The following NEK5 variants were observed in gnomAD, a reference collection of about 807,000 sequenced individuals.
NEK5 encodes the protein NIMA related kinase 5.
In NEK5, 88 loss-of-function variants were observed where a neutral mutation model predicts 109.2. That is an observed-to-expected ratio of 0.81 (90% CI 0.68 to 0.96). The LOEUF (loss-of-function observed/expected upper bound fraction) is 0.96. NEK5 is among the 40% of genes least tolerant of loss of function. The pLI is 0.00. For synonymous variants in NEK5, 283 were observed against 299.9 expected, an observed-to-expected ratio of 0.94 and a Z score of 0.58; for missense variants, 834 against 920.7, an observed-to-expected ratio of 0.91 and a Z score of 1.22.
rs560588141 is a variant in NEK5, at chr13:52,062,582, G to A, written c.1976-629C>T. ...ATTACAGGTGTGTGCCATCACACCC[G>A]GCTAATTTTTCTATTTTTAGTAGAG... On this transcript the variant is annotated intron_variant, in intron 21 of 23. Transcript: ENST00000684899. 7.2e-5 allele frequency among the ~76,000 whole-genome samples: 11 copies of A among 151,916 alleles called. 1 individual carries two copies. The East Asian group carries it at 1.7e-3, about 24-fold the overall frequency.
chr13:52,084,992 G>A (rs1012160789), intron 16 of NEK5, among the ~76,000 whole-genome samples: 8 of 152,096 alleles, frequency 5.3e-5, no homozygotes, highest in African/African-American at 1.9e-4. Context: ...GACTTTGGAT[G>A]AGCTACTTAA....
chr13:52,092,860 T>C (rs139319272), intron 13 of NEK5, among the ~76,000 whole-genome samples, 194 bp downstream of exon 13: 1 of 152,302 alleles, frequency 6.6e-6, no homozygotes, highest in Non-Finnish European at 1.5e-5. Flanking sequence ...CACTCTAGCC[T>C]AGGCATCAGA....
intron 21 of NEK5, chr13:52,064,608 T>C (rs1462140566): frequency 4.4e-5 from 9 of 203,784 alleles, no homozygotes; most frequent in Middle Eastern, 2.0e-3. Flanking sequence ...GCCACCACCC[T>C]GTCTGGGAGG....
At position 52,093,045 on chromosome 13, in the gene NEK5, C is replaced by T; in HGVS notation, c.1208+9G>A. 1.3e-6 allele frequency: 2 copies of T among 1,595,102 alleles called. No individual in the cohort carries two copies. The highest frequency in any genetic ancestry group is 1.7e-6 in the Non-Finnish European group (2 of 1,164,860). On this transcript the variant is annotated intron_variant, in intron 13 of 23. Transcript: ENST00000684899. ...ATTAACCAAAGCTTAAGCTAGACCA[C>T]AATATTACCATTGACTTGGGGATGG...
At chr13:52,072,179 A>T in intron 19 of NEK5, 109 bp from the exon 20 acceptor site, 1 of 742,172 alleles carries the variant, frequency 1.3e-6, no homozygotes, top group East Asian at 2.7e-5. Flanking sequence ...TATAGTAAAT[A>T]TTCAACAAAT....
chr13:52,044,071 G>C (rs1479332362), intron 23 of NEK5, among the ~76,000 whole-genome samples: 1 of 152,200 alleles, frequency 6.6e-6, no homozygotes, highest in African/African-American at 2.4e-5. Context: ...AGCACGGCTA[G>C]AATGTAAGCA....
chr13:52,083,052 C>T (rs997681191), intron 17 of NEK5, among the ~76,000 whole-genome samples: 9 of 152,026 alleles, frequency 5.9e-5, no homozygotes, highest in African/African-American at 2.2e-4. Flanking sequence ...GAGCCTGAAG[C>T]AGGAAATCAC....
intron 16 of NEK5, among the ~76,000 whole-genome samples, chr13:52,083,690 C>T (rs1242925556): frequency 6.6e-6 from 1 of 152,132 alleles, no homozygotes; most frequent in African/African-American, 2.4e-5. Flanking sequence ...GCACGCACCA[C>T]CACGCCTGGC....
At chr13:52,061,227 G>A (rs756391895) in intron 22 of NEK5, among the ~76,000 whole-genome samples, 2 of 151,654 alleles carry the variant, frequency 1.3e-5, no homozygotes, top group South Asian at 4.2e-4. Context: ...GTTCACAATA[G>A]GGTTCATGCT....
At chr13:52,115,557 T>C (rs188834008) in intron 4 of NEK5, among the ~76,000 whole-genome samples, 3 of 139,354 alleles carry the variant, frequency 2.2e-5, no homozygotes, top group Admixed American at 7.8e-5. Context: ...TGAGCCAAGA[T>C]TGTGCCACTG....
At position 52,066,665 on chromosome 13, in the gene NEK5, G is replaced by A. The variant is rs554918656; in HGVS notation, c.1850-1056C>T. Among the ~76,000 whole-genome samples the A allele has an allele frequency of 5.9e-5, 9 of 151,984 alleles. No individual in the cohort carries two copies. The South Asian group carries it at 1.0e-3, about 18-fold the overall frequency. ...TCAAAAATATAAAAATTAGCTGGGC[G>A]TGGTAGCGGGTGCCTGTAGTCCCAG... On this transcript the variant is annotated intron_variant, in intron 20 of 23. Coordinates refer to ENST00000684899, the MANE Select transcript of NEK5 (RefSeq NM_001365552.1).
intron 17 of NEK5, among the ~76,000 whole-genome samples, chr13:52,080,748 A>G (rs1208042387): frequency 6.6e-6 from 1 of 152,026 alleles, no homozygotes; most frequent in African/African-American, 2.4e-5. Flanking sequence ...AGGGACACAA[A>G]CACTGCGGAA....
chr13:52,120,191 A>G (rs1955941574), intron 3 of NEK5, among the ~76,000 whole-genome samples: 1 of 152,086 alleles, frequency 6.6e-6, no homozygotes, highest in Admixed American at 6.5e-5. Context: ...TCTCAATTCT[A>G]GCTTCCCTAC....
At chr13:52,070,760 T>C (rs1954771300) in intron 20 of NEK5, among the ~76,000 whole-genome samples, 1 of 151,986 alleles carries the variant, frequency 6.6e-6, no homozygotes, top group African/African-American at 2.4e-5. Context: ...GAAGGGGAAA[T>C]ACTAGAGAAA....
Position 52,060,321 on chromosome 13 carries a change from CTA to C in NEK5, c.2110+1496_2110+1497del, listed in dbSNP as rs762298561. Among the ~76,000 whole-genome samples the C allele has an allele frequency of 3.9e-4, 59 of 152,188 alleles. No individual in the cohort carries two copies. The Middle Eastern group carries it at 0.01, about 27-fold the overall frequency. ...GGACTCAACTGACAGTTAAAAATTACTATGTTTTTGTAGTGGTAATTAACTTT... is the reference window on the plus strand; with the variant it reads ...GGACTCAACTGACAGTTAAAAATTACTGTTTTTGTAGTGGTAATTAACTTT... On this transcript the variant is annotated intron_variant, in intron 22 of 23. Coordinates refer to ENST00000684899, the MANE Select transcript of NEK5 (RefSeq NM_001365552.1).
chr13:52,040,102 T>G (rs937831574), intron 23 of NEK5, among the ~76,000 whole-genome samples: 10 of 99,640 alleles, frequency 1.0e-4, no homozygotes, highest in African/African-American at 3.1e-4. Context: ...TTTTTTTTTT[T>G]GAGAGAAATC....
intron 12 of NEK5, among the ~76,000 whole-genome samples, chr13:52,099,413 T>C (rs1015561077): frequency 1.3e-5 from 2 of 152,114 alleles, no homozygotes; most frequent in African/African-American, 2.4e-5. Flanking sequence ...GGCTCACACC[T>C]GTAATCCCAG....
At chr13:52,125,895 CAA>C (rs1396196619) in intron 3 of NEK5, among the ~76,000 whole-genome samples, 1 of 152,012 alleles carries the variant, frequency 6.6e-6, no homozygotes, top group Non-Finnish European at 1.5e-5. Flanking sequence ...CATGGATTCA[CAA>C]AAAGAGACCT....
chr13:52,062,341 G>A (rs1954620217), intron 21 of NEK5, among the ~76,000 whole-genome samples: 5 of 152,148 alleles, frequency 3.3e-5, no homozygotes. Flanking sequence ...CAAGAACATA[G>A]GAAATAAGTA....
Sources: allele counts gnomAD v4.1 joint callset (sites outside exome capture counted in the v4.1 genomes callset), GRCh38; gene constraint gnomAD v4.1.1; transcripts MANE v1.5; gene names NCBI Gene and HGNC (gene_info 2026-07-23, HGNC 2026-07-21).